Variants in TMEFF2 observed in about 807,000 individuals in gnomAD.
TMEFF2 encodes tomoregulin-2.
In TMEFF2, 28 loss-of-function variants were observed where a neutral mutation model predicts 53.8. The observed-to-expected ratio is 0.52, with a 90% CI of 0.39 to 0.71. The LOEUF is 0.71. TMEFF2 is among the 30% of genes least tolerant of loss of function. TMEFF2 has a pLI of 0.00. For missense variants in TMEFF2, 353 were observed against 455.2 expected (o/e 0.78, Z 2.04); for synonymous variants, 162 against 166.3 (o/e 0.97, Z 0.20).
In TMEFF2 at chr2:191,998,329, A is replaced by G; in HGVS notation, c.686-8T>C. On this transcript the variant is annotated splice_region_variant and splice_polypyrimidine_tract_variant and intron_variant, in intron 6 of 9. Transcript: ENST00000272771. ...TAGTTGTAGTTGTGTTATCTGTGTT[A>G]AAAAATTAACAATAAAAATTGATTA... The G allele has an allele frequency of 6.3e-7, 1 of 1,588,964 alleles. No individual in the cohort carries two copies. Among genetic ancestry groups the G allele is most frequent in the Non-Finnish European group, 8.6e-7 (1 of 1,166,502 alleles).
intron 3 of TMEFF2, among the ~76,000 whole-genome samples, chr2:192,180,305 GA>G (rs1485838653): frequency 1.3e-5 from 2 of 151,466 alleles, no homozygotes; most frequent in Admixed American, 6.6e-5. Flanking sequence ...GATTCTTGCA[GA>G]AAAAATCATA....
chr2:192,180,289 CT>C (rs1211884235), intron 3 of TMEFF2, among the ~76,000 whole-genome samples: 2 of 151,546 alleles, frequency 1.3e-5, no homozygotes, highest in African/African-American at 4.8e-5. Context: ...CAGATATTCA[CT>C]AAATGATTCT....
chr2:191,992,645 T>C (rs2105827928), intron 7 of TMEFF2: 1 of 152,212 alleles, frequency 6.6e-6, no homozygotes, highest in East Asian at 1.9e-4. Flanking sequence ...TATCACAATA[T>C]GGCTAAAAAT....
At position 192,061,930 on chromosome 2, in the gene TMEFF2, G is replaced by A. The variant is rs1488287953; in HGVS notation, c.440-4155C>T. On this transcript the variant is annotated intron_variant, in intron 4 of 9. Coordinates refer to ENST00000272771, the MANE Select transcript of TMEFF2 (RefSeq NM_016192.4). ...TTCTGCCATGAGTAAAAAGCTCCCT[G>A]AGGCCTTACTGGAAGCAGATGCCGG... Among the ~76,000 whole-genome samples the A allele has an allele frequency of 3.9e-5, 6 of 152,240 alleles. No homozygotes were observed. In the South Asian group the frequency reaches 8.3e-4, roughly 21 times the overall value.
chr2:191,973,654 G>A (rs1281087071), intron 7 of TMEFF2, among the ~76,000 whole-genome samples: 1 of 152,136 alleles, frequency 6.6e-6, no homozygotes, highest in Non-Finnish European at 1.5e-5. Flanking sequence ...TTTAGGTTTA[G>A]AGAAAAGTTA....
intron 4 of TMEFF2, among the ~76,000 whole-genome samples, chr2:192,068,842 G>C (rs1052138830): frequency 6.6e-6 from 1 of 151,670 alleles, no homozygotes; most frequent in Non-Finnish European, 1.5e-5. Context: ...AAATAAAAGA[G>C]TAGCAAAAAA....
intron 5 of TMEFF2, among the ~76,000 whole-genome samples, chr2:192,018,304 A>G (rs963309096): frequency 2.6e-5 from 4 of 152,230 alleles, no homozygotes; most frequent in African/African-American, 7.2e-5. Flanking sequence ...TATACATCAC[A>G]GAGTGAGAGG....
chr2:192,154,286 G>C (rs1690455324), intron 4 of TMEFF2, among the ~76,000 whole-genome samples: 2 of 151,966 alleles, frequency 1.3e-5, no homozygotes, highest in African/African-American at 4.8e-5. Context: ...ACTCTCTCTA[G>C]TGAATAGTTC....
At chr2:191,967,861 C>G (rs1332905221) in intron 7 of TMEFF2, among the ~76,000 whole-genome samples, 1 of 152,102 alleles carries the variant, frequency 6.6e-6, no homozygotes, top group Non-Finnish European at 1.5e-5. Context: ...TTGGATGTTA[C>G]GGGAAGTCCT....
In TMEFF2 at chr2:191,977,601, T is replaced by C. The variant is rs1295362817; in HGVS notation, c.745+20661A>G. ...TGTTGCTAATAAAATAATCTCTCCT[T>C]CCATGAAATCTTAGAAATGGATTTT... On this transcript the variant is annotated intron_variant, in intron 7 of 9. Transcript: ENST00000272771. Among the ~76,000 whole-genome samples, 4 of 151,766 alleles carry C rather than the reference T, an allele frequency of 2.6e-5. No individual in the cohort carries two copies. In the East Asian group the frequency reaches 5.8e-4, roughly 22 times the overall value.
At chr2:192,057,470 T>C (rs1687939136) in intron 5 of TMEFF2, among the ~76,000 whole-genome samples, 1 of 152,212 alleles carries the variant, frequency 6.6e-6, no homozygotes, top group Admixed American at 6.5e-5. Flanking sequence ...TAGTGTGCCT[T>C]ATCAAGTAAT....
At chr2:192,093,028 C>T (rs1178362130) in intron 4 of TMEFF2, among the ~76,000 whole-genome samples, 1 of 152,016 alleles carries the variant, frequency 6.6e-6, no homozygotes, top group African/African-American at 2.4e-5. Flanking sequence ...CAATATAGAC[C>T]CCCAAATTAA....
At chr2:192,172,300 T>C (rs1251481007) in intron 4 of TMEFF2, among the ~76,000 whole-genome samples, 2 of 151,938 alleles carry the variant, frequency 1.3e-5, no homozygotes, top group East Asian at 3.9e-4. Context: ...CACAAATCCC[T>C]AAGTTTCATG....
intron 5 of TMEFF2, among the ~76,000 whole-genome samples, chr2:192,016,231 A>G (rs908903938): frequency 6.6e-6 from 1 of 152,208 alleles, no homozygotes; most frequent in Non-Finnish European, 1.5e-5. Context: ...AAATCAGGGT[A>G]TAGGGAGCTG....
intron 5 of TMEFF2, among the ~76,000 whole-genome samples, chr2:192,013,652 G>T (rs995931050): frequency 5.9e-5 from 9 of 152,236 alleles, no homozygotes; most frequent in Non-Finnish European, 8.8e-5. Context: ...GTTTCGCTAT[G>T]TTGACCAGGC....
chr2:191,976,183 T>TA (rs1345814170), intron 7 of TMEFF2, among the ~76,000 whole-genome samples: 2 of 152,180 alleles, frequency 1.3e-5, no homozygotes, highest in Non-Finnish European at 2.9e-5. Flanking sequence ...CTCTGCCTAT[T>TA]AGTTATGGGG....
At chr2:192,147,821 T>C (rs576374856) in intron 4 of TMEFF2, among the ~76,000 whole-genome samples, 1 of 151,990 alleles carries the variant, frequency 6.6e-6, no homozygotes, top group South Asian at 2.1e-4. Context: ...TGCAGTTTGC[T>C]TTTTTTCCCC....
intron 4 of TMEFF2, among the ~76,000 whole-genome samples, chr2:192,075,306 T>TAAAA (rs1559115075): frequency 4.3e-4 from 25 of 57,746 alleles, no homozygotes; most frequent in South Asian, 8.4e-4. Flanking sequence ...TATATATATA[T>TAAAA]ATATATATAT....
intron 5 of TMEFF2, among the ~76,000 whole-genome samples, chr2:192,055,092 CA>C (rs1687870541): frequency 6.6e-6 from 1 of 151,902 alleles, no homozygotes; most frequent in Non-Finnish European, 1.5e-5. Flanking sequence ...AAAAGTGAAA[CA>C]ATTTATAAGA....
Sources: allele counts gnomAD v4.1 joint callset (sites outside exome capture counted in the v4.1 genomes callset), GRCh38; gene constraint gnomAD v4.1.1; transcripts MANE v1.5; gene names NCBI Gene and HGNC (gene_info 2026-07-23, HGNC 2026-07-21).